IKBKG: variants seen among roughly 807,000 people sequenced by gnomAD.
The protein encoded by IKBKG is inhibitor of nuclear factor kappa B kinase regulatory subunit gamma.
Under a neutral mutation model 13.7 loss-of-function variants are expected in IKBKG, and 2 were observed. That is an observed-to-expected ratio of 0.15 (90% confidence interval 0.06 to 0.46). The LOEUF (loss-of-function observed/expected upper bound fraction) is 0.46. Ranked by LOEUF, IKBKG falls within the 20% of genes least tolerant of loss-of-function variation. The pLI is 0.98. For missense variants in IKBKG, 53 were observed against 150.3 expected, an observed-to-expected ratio of 0.35 and a Z score of 3.39; for synonymous variants, 22 against 64.4, an observed-to-expected ratio of 0.34 and a Z score of 3.15.
At chrX:154,555,672 C>G (rs914886368) in intron 2 of IKBKG, among the ~76,000 whole-genome samples, 2 of 111,038 alleles carry the variant, frequency 1.8e-5, no homozygotes, top group African/African-American at 6.6e-5. Flanking sequence ...CTCCACCTCC[C>G]AGGTTCAAGT....
chrX:154,555,596 T>C (rs1379958240), intron 2 of IKBKG, among the ~76,000 whole-genome samples: 1 of 112,478 alleles, frequency 8.9e-6, no homozygotes, highest in Non-Finnish European at 1.9e-5. Context: ...TTTCTTTTTT[T>C]TGAGACAGAG....
chrX:154,555,815 G>A (rs1427733244), intron 2 of IKBKG, among the ~76,000 whole-genome samples: 1 of 112,243 alleles, frequency 8.9e-6, no homozygotes, highest in African/African-American at 3.2e-5. Flanking sequence ...CCTGACCTCA[G>A]GTGATCCACC....
At chrX:154,546,461 G>A (rs2070718880), upstream of IKBKG, among the ~76,000 whole-genome samples, 1 of 112,012 alleles carries the variant, frequency 8.9e-6, no homozygotes. Context: ...AATCCTTGTG[G>A]GGCATGGAAC....
At chrX:154,547,528 G>A (rs2070778844), upstream of IKBKG, 5 of 754,957 alleles carry the variant, frequency 6.6e-6, no homozygotes, top group East Asian at 1.5e-4. Context: ...GCGGGATGCG[G>A]CCCTACCGCG....
chrX:154,545,293 G>A (rs2070667188), upstream of IKBKG, among the ~76,000 whole-genome samples: 2 of 112,096 alleles, frequency 1.8e-5, no homozygotes, highest in Admixed American at 9.4e-5. Flanking sequence ...CGAAATTGAG[G>A]CAAAGAGACA....
chrX:154,547,641 G>A lies in IKBKG; in HGVS notation c.-120G>A. ...CACCGGAAGCCGGAAGCGTGGTAGG[G>A]AAGGGCGACCGCGAAACTGGGACTT... On this transcript the variant is annotated 5_prime_UTR_variant, in exon 1 of 10. Transcript: ENST00000594239. 2.6e-6 allele frequency: 2 copies of A among 754,918 alleles called. No individual in the cohort carries two copies. 62.2% of individuals were successfully genotyped at this position (754,918 alleles called of 1,213,427 possible). A position where few individuals can be genotyped will look rare whatever the true frequency, so the allele number is the denominator to read the frequency against.
chrX:154,544,161 T>TTTTTG (rs1262460034), upstream of IKBKG, among the ~76,000 whole-genome samples: 6 of 79,257 alleles, frequency 7.6e-5, no homozygotes, highest in East Asian at 8.4e-4. Flanking sequence ...GCGCCCGGCC[T>TTTTTG]TTTTGTTTTG....
upstream of IKBKG, among the ~76,000 whole-genome samples, chrX:154,543,473 G>GCC (rs2070585280): frequency 8.9e-6 from 1 of 112,201 alleles, no homozygotes; most frequent in Non-Finnish European, 1.9e-5. Flanking sequence ...AGCAAGCTTG[G>GCC]ATGCTCTCAA....
chrX:154,547,616 CACCGGAA>C, exon 1 of IKBKG: 1 of 754,944 alleles, frequency 1.3e-6, no homozygotes. Flanking sequence ...ACAGCTATGA[CACCGGAA>C]GCCGGAAGCG....
chrX:154,546,798 G>C (rs2070736785), upstream of IKBKG: 3 of 1,160,051 alleles, frequency 2.6e-6, no homozygotes, highest in East Asian at 3.3e-5. Context: ...CCTGCGCTTC[G>C]TCGTCGTCGC....
intron 2 of IKBKG, 56 bp downstream of exon 2, chrX:154,552,245 C>T: frequency 2.9e-6 from 3 of 1,026,986 alleles, no homozygotes; most frequent in Non-Finnish European, 2.6e-6. Context: ...CTTCTCCCCA[C>T]CTGCACCTCT....
At chrX:154,546,181 C>A (rs1557233235), upstream of IKBKG, 1 of 1,210,557 alleles carries the variant, frequency 8.3e-7, no homozygotes, top group Non-Finnish European at 1.1e-6. Flanking sequence ...AAGAAAGGCT[C>A]GTTAACAAGG....
chrX:154,551,515 T>C (rs2070931824), intron 1 of IKBKG, among the ~76,000 whole-genome samples: 1 of 111,717 alleles, frequency 9.0e-6, no homozygotes, highest in Non-Finnish European at 1.9e-5. Flanking sequence ...TCACCCAGAA[T>C]GATCTCATCT....
At chrX:154,542,287 G>A (rs1557232104) in exon 2 of IKBKG, 2 of 1,163,114 alleles carry the variant, frequency 1.7e-6, no homozygotes, top group Admixed American at 2.6e-5. Flanking sequence ...TCCAGGTGGG[G>A]AAACTAAGGC....
rs1283904729 is a variant in IKBKG at position 154,548,978 on chromosome X, T to TTTTC, written c.-16+1249_-16+1252dup. On this transcript the variant is annotated intron_variant, in intron 1 of 9. Transcript: ENST00000594239. ...CCTCTCCCATTATTATTTTATTTCT[T>TTTTC]TTTCTTTCTTTCTTTCTTTTTTTTT... Among the ~76,000 whole-genome samples the TTTTC allele has an allele frequency of 4.6e-5, 5 of 108,826 alleles. 1 individual carries two copies. The highest frequency in any genetic ancestry group is 2.0e-4 in the Admixed American group (2 of 10,164). 94.5% of individuals were successfully genotyped at this position (108,826 alleles called of 115,157 possible). A position where few individuals can be genotyped will look rare whatever the true frequency, so the allele number is the denominator to read the frequency against.
chrX:154,546,122 C>A (rs797043472), upstream of IKBKG: 1 of 1,210,645 alleles, frequency 8.3e-7, no homozygotes, highest in Non-Finnish European at 1.1e-6. Context: ...ATCCCGCACA[C>A]CTGGGTCCGG....
exon 2 of IKBKG, chrX:154,542,316 C>G (rs781937245): frequency 4.2e-6 from 5 of 1,183,311 alleles, no homozygotes; most frequent in Admixed American, 4.9e-5. Context: ...GTGAGGACCC[C>G]GCAGACTATC....
rs1353249623 is a variant in IKBKG, at chrX:154,558,774, G to A, written c.518+124G>A. 9 of 115,920 alleles carry A rather than the reference G, an allele frequency of 7.8e-5. No individual in the cohort carries two copies. In the Admixed American group the frequency reaches 8.9e-4, roughly 11 times the overall value. The allele number at this position is 115,920 out of a possible 1,213,427, so 9.6% of individuals were successfully genotyped here. A position where few individuals can be genotyped will look rare whatever the true frequency, so the allele number is the denominator to read the frequency against. The stretch of plus-strand genomic sequence containing the variant: ...CCGGGGCAGGCTGCGTAAAGACGTC[G>A]GGGCAGACGTCGGGAGAGGTCTGGG... On this transcript the variant is annotated intron_variant, in intron 4 of 9. Transcript: ENST00000594239.
At chrX:154,545,570 C>G (rs1557232994), upstream of IKBKG, among the ~76,000 whole-genome samples, 1 of 111,893 alleles carries the variant, frequency 8.9e-6, no homozygotes, top group Admixed American at 9.5e-5. Flanking sequence ...CGTGGTGGCT[C>G]ATGCCTGTCA....
Sources: allele counts gnomAD v4.1 joint callset (sites outside exome capture counted in the v4.1 genomes callset), GRCh38; gene constraint gnomAD v4.1.1; transcripts MANE v1.5; gene names NCBI Gene and HGNC (gene_info 2026-07-23, HGNC 2026-07-21).